Variants in SLC3A1 observed in about 807,000 individuals in gnomAD.
SLC3A1 encodes amino acid transporter heavy chain SLC3A1.
In SLC3A1, 78 loss-of-function variants were observed where a neutral mutation model predicts 60.3. The ratio of observed to expected loss-of-function variants is 1.29; its 90% CI spans 1.08 to 1.56. The LOEUF is 1.56. Among genes scored for constraint, SLC3A1 ranks in the 40% most tolerant of loss-of-function variants. The pLI, the probability that SLC3A1 is intolerant of heterozygous loss-of-function variation, is 0.00. For synonymous variants in SLC3A1, 392 were observed against 307.9 expected (o/e 1.27, Z -2.86); for missense variants, 1,172 against 858.9 (o/e 1.36, Z -4.56).
At chr2:44,292,986 A>G (rs945003407) in intron 4 of SLC3A1, among the ~76,000 whole-genome samples, 8 of 152,052 alleles carry the variant, frequency 5.3e-5, no homozygotes, top group African/African-American at 1.7e-4. Flanking sequence ...AGGATGGTGC[A>G]GTAATCGGGA....
chr2:44,313,820 G>A lies in SLC3A1; in HGVS notation c.1501-15G>A. The A allele has an allele frequency of 6.3e-7, 1 of 1,588,294 alleles. No homozygotes were observed. Among genetic ancestry groups the A allele is most frequent in the Non-Finnish European group, 8.6e-7 (1 of 1,156,494 alleles). On this transcript the variant is annotated splice_polypyrimidine_tract_variant and intron_variant, in intron 8 of 9. Coordinates refer to ENST00000260649, the MANE Select transcript of SLC3A1 (RefSeq NM_000341.4). ...AACCAAACCACTGTTTTCCCTTTCT[G>A]GTCTTTTGACATAGAATACCCTTCG...
intron 7 of SLC3A1, among the ~76,000 whole-genome samples, chr2:44,307,053 C>T (rs1327742422): frequency 6.6e-6 from 1 of 152,160 alleles, no homozygotes; most frequent in African/African-American, 2.4e-5. Flanking sequence ...CTTTCCGTGT[C>T]TATGGATTTG....
At chr2:44,318,016 T>C in intron 9 of SLC3A1, 2 of 372,966 alleles carry the variant, frequency 5.4e-6, no homozygotes, top group South Asian at 3.8e-5. Flanking sequence ...TGAAGTTATC[T>C]TTTGACCTAA....
At chr2:44,295,794 G>T (rs1558459994) in intron 4 of SLC3A1, among the ~76,000 whole-genome samples, 2 of 152,162 alleles carry the variant, frequency 1.3e-5, no homozygotes, top group Non-Finnish European at 2.9e-5. Flanking sequence ...ACACAGAATG[G>T]TGCTTAATGT....
chr2:44,321,653 G>A (rs530439504), downstream of SLC3A1: 54 of 1,519,734 alleles, frequency 3.6e-5, no homozygotes, highest in African/African-American at 7.1e-4. Flanking sequence ...AAGTACAAGA[G>A]AGAGACATTT....
intron 9 of SLC3A1, chr2:44,319,288 C>T (rs1224304358): frequency 6.6e-6 from 1 of 152,612 alleles, no homozygotes; most frequent in South Asian, 2.1e-4. Context: ...GATTTGGCAA[C>T]AGCTCTTATG....
In SLC3A1 at chr2:44,300,995, T is replaced by A. The variant is rs1030305258; in HGVS notation, c.1012-8T>A. The A allele has an allele frequency of 1.9e-5, 31 of 1,613,628 alleles. No homozygotes were observed. Among genetic ancestry groups the A allele is most frequent in the Non-Finnish European group, 2.5e-5 (29 of 1,180,010 alleles). ...ATGAGGGTAACCATGTCGTCCTGGT[T>A]TTCAAAGGACACGGTCACACAATAC... On this transcript the variant is annotated splice_region_variant and splice_polypyrimidine_tract_variant and intron_variant, in intron 5 of 9. Transcript: ENST00000260649.
chr2:44,285,309 G>A (rs1572793220), intron 3 of SLC3A1: 1 of 166,264 alleles, frequency 6.0e-6, no homozygotes, highest in East Asian at 1.6e-4. Context: ...TCTCCCAGTT[G>A]TTAAATGTTT....
rs1171345437 is a variant in SLC3A1 at position 44,304,191 on chromosome 2, G to T, written c.1185G>T (p.Met395Ile). Residue 395 changes from methionine to isoleucine, a missense_variant, in exon 7 of 10, where the codon ATG (methionine) becomes ATT (isoleucine). By Grantham distance (10) the Met-to-Ile change is conservative. Coordinates refer to ENST00000260649, the MANE Select transcript of SLC3A1 (RefSeq NM_000341.4). ...CAGAGAGTATTGACAGGACCGTGAT[G>T]TACTATGGATTGCCATTTATCCAAG... ...AYAESIDRTV[M>I]YYGLPFIQEA... 6.2e-7 allele frequency: 1 copy of T among 1,614,118 alleles called. No homozygotes were observed. The highest frequency in any genetic ancestry group is 1.1e-5 in the South Asian group (1 of 91,086).
rs138178723 is a variant in SLC3A1 at position 44,302,013 on chromosome 2, C to G, written c.1136+886C>G. The stretch of plus-strand genomic sequence containing the variant: ...GAGGTTGCAGTGAGCTGAGATCATG[C>G]CACTGTGCTCCAGTCTGGGCAACAG... On this transcript the variant is annotated intron_variant, in intron 6 of 9. Transcript: ENST00000260649. Among the ~76,000 whole-genome samples, 1,384 of 152,288 alleles carry G rather than the reference C, an allele frequency of 9.1e-3. 22 individuals carry two copies. The highest frequency in any genetic ancestry group is 0.031 in the African/African-American group (1,305 of 41,552).
intron 4 of SLC3A1, among the ~76,000 whole-genome samples, chr2:44,298,674 G>C (rs958644129): frequency 6.6e-6 from 1 of 151,938 alleles, no homozygotes; most frequent in African/African-American, 2.4e-5. Context: ...CGCTGCGCCC[G>C]GACTAACCAC....
At position 44,321,383 on chromosome 2, in the gene SLC3A1, C is replaced by G. The variant is rs1447849283; in HGVS notation, c.*744C>G. ...AGAATTTCAGGTATTTCTTAAGATCCTCGAAAACACTGGTGCTGTCAAGTC... is the reference window on the plus strand; with the variant it reads ...AGAATTTCAGGTATTTCTTAAGATCGTCGAAAACACTGGTGCTGTCAAGTC... On this transcript the variant is annotated 3_prime_UTR_variant, in exon 10 of 10. Transcript: ENST00000260649. 1 of 1,611,704 alleles carries G rather than the reference C, an allele frequency of 6.2e-7. No homozygotes were observed. Among genetic ancestry groups the G allele is most frequent in the Non-Finnish European group, 8.5e-7 (1 of 1,178,184 alleles).
Position 44,321,486 on chromosome 2 carries a change from G to C in SLC3A1, c.*847G>C. 5.0e-6 allele frequency: 8 copies of C among 1,590,756 alleles called. No individual in the cohort carries two copies. In the South Asian group the frequency reaches 9.0e-5, roughly 18 times the overall value. On this transcript the variant is annotated 3_prime_UTR_variant, in exon 10 of 10. Coordinates refer to ENST00000260649, the MANE Select transcript of SLC3A1 (RefSeq NM_000341.4). ...TAAAAAAATTAAATAGAAGGCCTTT[G>C]TAGTAAAATGCCACTGTTTAAGCTT...
At chr2:44,317,701 A>G (rs190310981) in intron 9 of SLC3A1, 3 of 152,456 alleles carry the variant, frequency 2.0e-5, no homozygotes, top group African/African-American at 4.8e-5. Flanking sequence ...AAATATAACA[A>G]TTTTCAAATT....
At chr2:44,302,935 A>G (rs1270842655) in intron 6 of SLC3A1, among the ~76,000 whole-genome samples, 1 of 152,164 alleles carries the variant, frequency 6.6e-6, no homozygotes, top group East Asian at 1.9e-4. Context: ...GCGGTGGCTC[A>G]TGCCTGTAAT....
chr2:44,305,423 CTTACTT>C (rs1429005514), intron 7 of SLC3A1, among the ~76,000 whole-genome samples: 18 of 128,772 alleles, frequency 1.4e-4, no homozygotes, highest in Admixed American at 1.9e-4. Flanking sequence ...CCTTTCTTTT[CTTACTT>C]TTTTTTTTTT....
At chr2:44,312,857 T>A in intron 8 of SLC3A1, 104 bp downstream of exon 8, 1 of 901,104 alleles carries the variant, frequency 1.1e-6, no homozygotes, top group Non-Finnish European at 1.8e-6. Flanking sequence ...ATTGCATTGC[T>A]GAAAATCATG....
intron 9 of SLC3A1, chr2:44,318,223 TG>T: frequency 2.6e-6 from 1 of 377,996 alleles, no homozygotes; most frequent in Non-Finnish European, 5.2e-6. Flanking sequence ...CCCAAGTAGC[TG>T]GGATTACAGG....
chr2:44,320,352 A>G lies in SLC3A1; in HGVS notation c.1771A>G (p.Arg591Gly). ...VYTRELDGID[R>G]IFIVVLNFGE... ...CACAAGAGAGCTGGATGGCATCGAC[A>G]GAATCTTTATCGTGGTTCTGAATTT... The change falls in exon 10 of 10, where the codon AGA becomes GGA. Residue 591 changes from arginine to glycine, a missense_variant. Arg to Gly is a moderately radical substitution (Grantham distance 125, BLOSUM62 -2). Coordinates refer to ENST00000260649, the MANE Select transcript of SLC3A1 (RefSeq NM_000341.4). 1 of 1,614,172 alleles carries G rather than the reference A, an allele frequency of 6.2e-7. No individual in the cohort carries two copies. The highest frequency in any genetic ancestry group is 8.5e-7 in the Non-Finnish European group (1 of 1,179,992).
Sources: gnomAD v4.1 joint callset for allele counts (sites outside exome capture counted in the v4.1 genomes callset) on GRCh38, gnomAD v4.1.1 for gene constraint, MANE v1.5 for transcripts, NCBI Gene and HGNC (gene_info 2026-07-23, HGNC 2026-07-21) for gene names.